Variants in BORCS5 observed in about 807,000 individuals in gnomAD.
BORCS5 encodes BLOC-1 related complex subunit 5, also known as BLOC-1-related complex subunit 5.
Under a neutral mutation model 22.1 loss-of-function variants are expected in BORCS5, and 17 were observed. The observed-to-expected ratio is 0.77, with a 90% CI of 0.53 to 1.15. BORCS5 has a LOEUF of 1.15. Ranked by LOEUF, BORCS5 falls within the 50% of genes most tolerant of loss-of-function variation. The pLI, the probability that BORCS5 is intolerant of heterozygous loss-of-function variation, is 0.00. For missense variants in BORCS5, 247 were observed against 253.2 expected (o/e 0.98, Z 0.17); for synonymous variants, 117 against 99.8 (o/e 1.17, Z -1.03).
At chr12:12,444,255 A>C (rs1322716853) in intron 3 of BORCS5, among the ~76,000 whole-genome samples, 1 of 152,226 alleles carries the variant, frequency 6.6e-6, no homozygotes, top group African/African-American at 2.4e-5. Context: ...CTACAGCTGT[A>C]AGTAGACTCA....
chr12:12,399,232 C>T (rs936981782), intron 2 of BORCS5, among the ~76,000 whole-genome samples: 1 of 152,038 alleles, frequency 6.6e-6, no homozygotes, highest in Non-Finnish European at 1.5e-5. Flanking sequence ...CACTCCTATT[C>T]ACTCCTCAGA....
intron 2 of BORCS5, among the ~76,000 whole-genome samples, chr12:12,433,353 A>G (rs989200252): frequency 1.3e-5 from 2 of 148,740 alleles, no homozygotes; most frequent in Non-Finnish European, 3.0e-5. Context: ...AAAAAAGGAA[A>G]TCTGCCCGGG....
chr12:12,390,390 T>C (rs1941143012), intron 2 of BORCS5, among the ~76,000 whole-genome samples: 1 of 152,106 alleles, frequency 6.6e-6, no homozygotes, highest in Non-Finnish European at 1.5e-5. Context: ...GGTAATATAT[T>C]TGAAGTGACC....
In BORCS5 at chr12:12,368,371, C is replaced by T. The variant is rs988543192; in HGVS notation, c.202+7022C>T. Among the ~76,000 whole-genome samples the T allele has an allele frequency of 3.3e-5, 5 of 151,766 alleles. No homozygotes were observed. The South Asian group carries it at 6.2e-4, about 19-fold the overall frequency. ...CTTTTGGAAAAACAAGATTCTAAGG[C>T]GCTTTAAGTATTCTGAAATGTAGCC... On this transcript the variant is annotated intron_variant, in intron 2 of 3. Transcript: ENST00000314565.
chr12:12,381,866 G>T (rs1026154358), intron 2 of BORCS5, among the ~76,000 whole-genome samples: 1 of 151,244 alleles, frequency 6.6e-6, no homozygotes, highest in East Asian at 1.9e-4. Context: ...TGAGAGTGAG[G>T]TACTGAATTA....
chr12:12,368,285 T>TG (rs1356736387), intron 2 of BORCS5, among the ~76,000 whole-genome samples: 12 of 152,042 alleles, frequency 7.9e-5, no homozygotes, highest in African/African-American at 2.9e-4. Context: ...TGTTTTGTTT[T>TG]TTTTTTTTTA....
Position 12,465,930 on chromosome 12 carries a change from T to G in BORCS5, c.*154T>G. ...AGTCCGGCTGGCATGAAAATCTGAC[T>G]TTGCCCAGCTCTTTTCCTTGATGCA... is the stretch of plus-strand genomic sequence containing the variant. On this transcript the variant is annotated 3_prime_UTR_variant, in exon 4 of 4. Transcript: ENST00000314565. 1.6e-6 allele frequency: 1 copy of G among 619,730 alleles called. No individual in the cohort carries two copies. Among genetic ancestry groups the G allele is most frequent in the East Asian group, 2.8e-5 (1 of 35,966 alleles). The allele number at this position is 619,730 out of a possible 1,614,324, so 38.4% of individuals were successfully genotyped here. A position where few individuals can be genotyped will look rare whatever the true frequency, so the allele number is the denominator to read the frequency against.
chr12:12,453,697 C>G (rs1942953209), intron 3 of BORCS5, among the ~76,000 whole-genome samples: 1 of 152,144 alleles, frequency 6.6e-6, no homozygotes, highest in African/African-American at 2.4e-5. Flanking sequence ...AGTTATCATT[C>G]ACGTAGTTCA....
chr12:12,376,985 C>T (rs959379652), intron 2 of BORCS5, among the ~76,000 whole-genome samples: 1 of 152,152 alleles, frequency 6.6e-6, no homozygotes, highest in African/African-American at 2.4e-5. Context: ...TATACATGTT[C>T]TGTGACACGT....
At position 12,451,911 on chromosome 12, in the gene BORCS5, T is replaced by G. The variant is rs80222880; in HGVS notation, c.361-13635T>G. 2.2e-5 allele frequency among the ~76,000 whole-genome samples: 3 copies of G among 133,744 alleles called. No individual in the cohort carries two copies. The East Asian group carries it at 6.3e-4, about 28-fold the overall frequency. The allele number at this position is 133,744 out of a possible 152,430, so 87.7% of individuals were successfully genotyped here. A position where few individuals can be genotyped will look rare whatever the true frequency, so the allele number is the denominator to read the frequency against. On this transcript the variant is annotated intron_variant, in intron 3 of 3. Transcript: ENST00000314565. ...CCAGCCTGGCGACAGAGCGAGACTC[T>G]TTCTCAAAAAAAAAAATTAAAAAAA...
chr12:12,361,121 C>G (rs1426724039), intron 1 of BORCS5, 85 bp from the exon 2 acceptor site: 2 of 1,348,036 alleles, frequency 1.5e-6, no homozygotes, highest in Non-Finnish European at 2.1e-6. Context: ...TAAAATTATT[C>G]TTTTTAATCA....
chr12:12,384,911 T>C (rs1310799146), intron 2 of BORCS5, among the ~76,000 whole-genome samples: 1 of 150,776 alleles, frequency 6.6e-6, no homozygotes, highest in Admixed American at 6.6e-5. Flanking sequence ...ATGTGTCTGC[T>C]TGCTTTTTAA....
At chr12:12,369,789 A>G (rs1391091813) in intron 2 of BORCS5, among the ~76,000 whole-genome samples, 2 of 133,854 alleles carry the variant, frequency 1.5e-5, no homozygotes, top group East Asian at 2.2e-4. Context: ...CACTGGCACA[A>G]TCTCAGCTCA....
intron 2 of BORCS5, among the ~76,000 whole-genome samples, chr12:12,384,138 T>A (rs11054869): frequency 0.066 from 10,006 of 152,034 alleles, 453 homozygotes; most frequent in Non-Finnish European, 0.093. Context: ...AAATTTTATG[T>A]ATGTATGTAT....
In BORCS5 at chr12:12,359,661, C is replaced by T. The variant is rs187536547; in HGVS notation, c.59-1545C>T. On this transcript the variant is annotated intron_variant, in intron 1 of 3. Coordinates refer to ENST00000314565, the MANE Select transcript of BORCS5 (RefSeq NM_058169.6). ...ACAGGCGTGAGCCACCGTGCCCAGC[C>T]GCCTTGACTTAAAAAAAAAAAAAAA... Among the ~76,000 whole-genome samples, 432 of 138,270 alleles carry T rather than the reference C, an allele frequency of 3.1e-3. 5 individuals are homozygous for T. The highest frequency in any genetic ancestry group is 9.9e-3 in the African/African-American group (394 of 39,752). The allele number at this position is 138,270 out of a possible 152,430, so 90.7% of individuals were successfully genotyped here.
chr12:12,466,035 A>G lies in BORCS5; in HGVS notation c.*259A>G, dbSNP rs1157909623. 2.2e-6 allele frequency: 1 copy of G among 453,442 alleles called. No homozygotes were observed. The highest frequency in any genetic ancestry group is 3.9e-6 in the Non-Finnish European group (1 of 256,248). The allele number at this position is 453,442 out of a possible 1,614,324, so 28.1% of individuals were successfully genotyped here. ...CGTGTGAATTATTAGGAATTCTTTG[A>G]AGAACTCTGCATTGAGAATTATTTT... is the stretch of plus-strand genomic sequence containing the variant. On this transcript the variant is annotated 3_prime_UTR_variant, in exon 4 of 4. Transcript: ENST00000314565.
At chr12:12,413,909 A>G (rs1941821781) in intron 2 of BORCS5, among the ~76,000 whole-genome samples, 1 of 49,768 alleles carries the variant, frequency 2.0e-5, no homozygotes, top group Non-Finnish European at 3.8e-5. Context: ...TCCCTCCCGG[A>G]CTGGGCGGCT....
chr12:12,450,241 C>G (rs1439011296), intron 3 of BORCS5, among the ~76,000 whole-genome samples: 1 of 152,220 alleles, frequency 6.6e-6, no homozygotes, highest in African/African-American at 2.4e-5. Flanking sequence ...CTTGCCCACT[C>G]TGGGAGCAGC....
intron 2 of BORCS5, among the ~76,000 whole-genome samples, chr12:12,427,179 T>C (rs1169739343): frequency 0.095 from 7,016 of 74,208 alleles, 164 homozygotes; most frequent in East Asian, 0.16. Flanking sequence ...TTTCTTTTTT[T>C]TTTTTTTTTT....
Sources: gnomAD v4.1 joint callset for allele counts (sites outside exome capture counted in the v4.1 genomes callset) on GRCh38, gnomAD v4.1.1 for gene constraint, MANE v1.5 for transcripts, NCBI Gene and HGNC (gene_info 2026-07-23, HGNC 2026-07-21) for gene names.